ARF3: variants seen among roughly 807,000 people sequenced by gnomAD.
The protein encoded by ARF3 is ADP-ribosylation factor 3.
ARF3 carries 5 observed loss-of-function variants against 19.3 expected under a neutral mutation model. The ratio of observed to expected loss-of-function variants is 0.26; its 90% CI spans 0.14 to 0.54. The LOEUF is 0.54. Ranked by LOEUF, ARF3 falls within the 20% of genes least tolerant of loss-of-function variation. The pLI is 0.95. For missense variants in ARF3, 77 were observed against 234.2 expected, an observed-to-expected ratio of 0.33 and a Z score of 4.38; for synonymous variants, 71 against 89.2, an observed-to-expected ratio of 0.80 and a Z score of 1.15.
intron 1 of ARF3, among the ~76,000 whole-genome samples, chr12:48,950,078 G>A (rs1940436924): frequency 6.6e-6 from 1 of 152,204 alleles, no homozygotes; most frequent in Non-Finnish European, 1.5e-5. Context: ...GTCCCACTAT[G>A]TTGCCCACGA....
Position 48,949,804 on chromosome 12 carries a change from CA to C in ARF3, c.-94+7505del, listed in dbSNP as rs1473864852. On this transcript the variant is annotated intron_variant, in intron 1 of 4. Transcript: ENST00000256682. Reference sequence around the variant, plus strand: ...AAGCAGTCCTCCCACCTCAGCCTCCCAAAGTACTGAGATGACAGGCATGAGC... The same window carrying C: ...AAGCAGTCCTCCCACCTCAGCCTCCCAAGTACTGAGATGACAGGCATGAGC... 2.0e-5 allele frequency among the ~76,000 whole-genome samples: 3 copies of C among 152,136 alleles called. No homozygotes were observed. The East Asian group carries it at 5.8e-4, about 29-fold the overall frequency.
chr12:48,956,061 C>T (rs772173474), intron 1 of ARF3: 1 of 152,242 alleles, frequency 6.6e-6, no homozygotes, highest in Non-Finnish European at 1.5e-5. Flanking sequence ...AACAACAAGC[C>T]CAAGACAAAA....
At chr12:48,941,728 C>T (rs2131713) in intron 1 of ARF3, among the ~76,000 whole-genome samples, 49,535 of 152,064 alleles carry the variant, frequency 0.33, 9,109 homozygotes, top group Admixed American at 0.47. Flanking sequence ...GCAACTCCAT[C>T]TTTCTTCCAC....
intron 1 of ARF3, among the ~76,000 whole-genome samples, chr12:48,945,092 A>C (rs1940334816): frequency 1.4e-5 from 2 of 145,044 alleles, no homozygotes; most frequent in South Asian, 4.6e-4. Flanking sequence ...GTGAGCTGAG[A>C]TCATGCCGCT....
chr12:48,957,000 T>C (rs1356641673), intron 1 of ARF3: 1 of 152,484 alleles, frequency 6.6e-6, no homozygotes, highest in African/African-American at 2.4e-5. Flanking sequence ...CTCGGACGGT[T>C]TTCCTCTCCC....
rs923897627 is a variant in ARF3 at position 48,936,313 on chromosome 12, T to C, written c.*2634A>G. ...AGTTATTAAACATATACAGTCTACATTCCAGAGGAGGAACTGCAGTTACCA... is the reference window on the plus strand; with the variant it reads ...AGTTATTAAACATATACAGTCTACACTCCAGAGGAGGAACTGCAGTTACCA... On this transcript the variant is annotated 3_prime_UTR_variant, in exon 5 of 5. Coordinates refer to ENST00000256682, the MANE Select transcript of ARF3 (RefSeq NM_001659.3). 1 of 152,618 alleles carries C rather than the reference T, an allele frequency of 6.6e-6. No homozygotes were observed. Among genetic ancestry groups the C allele is most frequent in the Non-Finnish European group, 1.5e-5 (1 of 68,036 alleles). 9.5% of individuals were successfully genotyped at this position (152,618 alleles called of 1,614,324 possible).
intron 1 of ARF3, among the ~76,000 whole-genome samples, chr12:48,954,811 G>A (rs1416401587): frequency 6.6e-6 from 1 of 152,092 alleles, no homozygotes; most frequent in Non-Finnish European, 1.5e-5. Flanking sequence ...ATTGGAGCCA[G>A]GAGTTTGAGA....
In ARF3 at chr12:48,939,570, G is replaced by C; in HGVS notation, c.384+85C>G. 1.9e-6 allele frequency: 3 copies of C among 1,583,218 alleles called. No individual in the cohort carries two copies. Among genetic ancestry groups the C allele is most frequent in the African/African-American group, 2.7e-5 (2 of 74,416 alleles). ...CTAACATTGAGAGCATACTAAAAGGGTTAACCATATAATAGGCCCAAGAGC... is the reference window on the plus strand; with the variant it reads ...CTAACATTGAGAGCATACTAAAAGGCTTAACCATATAATAGGCCCAAGAGC... On this transcript the variant is annotated intron_variant, in intron 4 of 4. Coordinates refer to ENST00000256682, the MANE Select transcript of ARF3 (RefSeq NM_001659.3). This position sits in a 1 kb window ranked among gnomAD's most constrained non-coding sequence, Gnocchi z 4.8.
In ARF3 at chr12:48,937,832, C is replaced by G. The variant is rs1050536928; in HGVS notation, c.*1115G>C. The G allele has an allele frequency of 6.5e-6, 1 of 154,228 alleles. No individual in the cohort carries two copies. The highest frequency in any genetic ancestry group is 2.4e-5 in the African/African-American group (1 of 41,490). 9.6% of individuals were successfully genotyped at this position (154,228 alleles called of 1,614,324 possible). Reference sequence around the variant, plus strand: ...AGGGTGAGAAAATTCTGACCAAGGACAGATGACCCATCCAACCCCTAAGAT... The same window carrying G: ...AGGGTGAGAAAATTCTGACCAAGGAGAGATGACCCATCCAACCCCTAAGAT... On this transcript the variant is annotated 3_prime_UTR_variant, in exon 5 of 5. Coordinates refer to ENST00000256682, the MANE Select transcript of ARF3 (RefSeq NM_001659.3).
chr12:48,940,295 AG>A (rs1940230429), intron 2 of ARF3, among the ~76,000 whole-genome samples, 188 bp from the exon 3 acceptor site: 2 of 152,246 alleles, frequency 1.3e-5, no homozygotes, highest in Admixed American at 1.3e-4. Flanking sequence ...AAAACCTAAG[AG>A]AAGTCAAAGA....
At position 48,939,853 on chromosome 12, in the gene ARF3, C is replaced by G; in HGVS notation, c.260-74G>C. The G allele has an allele frequency of 6.2e-7, 1 of 1,606,238 alleles. No individual in the cohort carries two copies. Among genetic ancestry groups the G allele is most frequent in the South Asian group, 1.1e-5 (1 of 90,822 alleles). ...CCCCCAACCAAAAGACCACACCTGC[C>G]TGACACCCTCCAAATATTTGCTCCC... On this transcript the variant is annotated intron_variant, in intron 3 of 4. Coordinates refer to ENST00000256682, the MANE Select transcript of ARF3 (RefSeq NM_001659.3). The surrounding 1 kb of genome is among the most constrained non-coding windows in gnomAD (Gnocchi z 4.8).
chr12:48,937,974 A>G lies in ARF3; in HGVS notation c.*973T>C, dbSNP rs896026946. The G allele has an allele frequency of 6.3e-6, 1 of 158,186 alleles. No homozygotes were observed. The highest frequency in any genetic ancestry group is 6.2e-5 in the Admixed American group (1 of 16,142). The allele number at this position is 158,186 out of a possible 1,614,324, so 9.8% of individuals were successfully genotyped here. A position where few individuals can be genotyped will look rare whatever the true frequency, so the allele number is the denominator to read the frequency against. On this transcript the variant is annotated 3_prime_UTR_variant, in exon 5 of 5. Transcript: ENST00000256682. ...TCAGGCCTTCGCCTCCCTTCCCCCA[A>G]TGCCCTGGGTCCCTAACACACACCA... is the stretch of plus-strand genomic sequence containing the variant.
At chr12:48,941,257 C>A in intron 1 of ARF3, 69 bp from the exon 2 acceptor site, 2 of 846,740 alleles carry the variant, frequency 2.4e-6, no homozygotes, top group Non-Finnish European at 1.8e-6. Flanking sequence ...TAGAATTTCC[C>A]AAGGTCATGG....
rs1940220678 is a variant in ARF3 at position 48,939,894 on chromosome 12, C to T, written c.259+103G>A. The T allele has an allele frequency of 1.4e-5, 23 of 1,593,346 alleles. No homozygotes were observed. The highest frequency in any genetic ancestry group is 2.0e-5 in the Non-Finnish European group (23 of 1,162,520). ...ATTTGCTCCCTTTCCTCCCTTTCTT[C>T]TGCCCCCAGGAGCTGCAGCAGGGTA... On this transcript the variant is annotated intron_variant, in intron 3 of 4. Transcript: ENST00000256682. This position sits in a 1 kb window ranked among gnomAD's most constrained non-coding sequence, Gnocchi z 4.8.
At chr12:48,947,465 C>G (rs1940379285) in intron 1 of ARF3, among the ~76,000 whole-genome samples, 1 of 152,158 alleles carries the variant, frequency 6.6e-6, no homozygotes, top group Admixed American at 6.5e-5. Context: ...TGCCACCACA[C>G]CTGGCTAATT....
At chr12:48,947,101 A>C (rs1024750655) in intron 1 of ARF3, among the ~76,000 whole-genome samples, 6 of 152,214 alleles carry the variant, frequency 3.9e-5, no homozygotes, top group African/African-American at 1.2e-4. Flanking sequence ...TACAATTTAA[A>C]GAAACAAAAG....
Position 48,941,054 on chromosome 12 carries a change from C to T in ARF3, c.42G>A (p.Gly14=). 1.2e-6 allele frequency: 2 copies of T among 1,613,958 alleles called. No homozygotes were observed. Among genetic ancestry groups the T allele is most frequent in the Non-Finnish European group, 1.7e-6 (2 of 1,179,956 alleles). ...IFGNLLKSLI[G]KKEMRILMVG... is the part of the protein sequence containing the mutation. ...CCATCAGGATGCGCATCTCCTTCTT[C>T]CCAATCAGGCTCTTGAGAAGGTTTC... Residue 14 remains glycine, a synonymous_variant, in exon 2 of 5, where the codon GGG becomes GGA. Coordinates refer to ENST00000256682, the MANE Select transcript of ARF3 (RefSeq NM_001659.3).
chr12:48,955,933 C>G (rs1940557302), intron 1 of ARF3, among the ~76,000 whole-genome samples: 1 of 152,190 alleles, frequency 6.6e-6, no homozygotes, highest in Non-Finnish European at 1.5e-5. Context: ...TAGTTTCTTT[C>G]TTAGAATGAA....
chr12:48,939,140 C>A lies in ARF3; in HGVS notation c.385-32G>T. ...CACGTGGGAGACACATAAAAAGAAG[C>A]CTCAGGATTTTTTAAAGGCTTCTAG... is the stretch of plus-strand genomic sequence containing the variant. On this transcript the variant is annotated intron_variant, in intron 4 of 4. Coordinates refer to ENST00000256682, the MANE Select transcript of ARF3 (RefSeq NM_001659.3). This position sits in a 1 kb window ranked among gnomAD's most constrained non-coding sequence, Gnocchi z 4.8. The A allele has an allele frequency of 6.3e-7, 1 of 1,596,526 alleles. No homozygotes were observed. Among genetic ancestry groups the A allele is most frequent in the Non-Finnish European group, 8.6e-7 (1 of 1,169,028 alleles).
Sources: allele counts gnomAD v4.1 joint callset (sites outside exome capture counted in the v4.1 genomes callset), GRCh38; gene constraint gnomAD v4.1.1; non-coding constraint Gnocchi (gnomAD v3.1); transcripts MANE v1.5; gene names NCBI Gene and HGNC (gene_info 2026-07-23, HGNC 2026-07-21).